Variants in TENM3 observed in about 807,000 individuals in gnomAD.
TENM3 encodes the protein teneurin-3.
TENM3 carries 63 observed loss-of-function variants against 255.1 expected under a neutral mutation model. The observed-to-expected ratio is 0.25, with a 90% CI of 0.20 to 0.30. The LOEUF is 0.30. Among genes scored for constraint, TENM3 ranks in the 10% least tolerant of loss-of-function variants. The probability of loss-of-function intolerance (pLI) is 1.00; values close to 1 mark genes in which losing one functional copy is unlikely to be tolerated. For synonymous variants in TENM3, 1,306 were observed against 1,322.3 expected (o/e 0.99, Z 0.27); for missense variants, 2,929 against 3,461.1 (o/e 0.85, Z 3.86).
At chr4:182,453,104 T>C (rs1182520117) in intron 3 of TENM3, among the ~76,000 whole-genome samples, 1 of 152,140 alleles carries the variant, frequency 6.6e-6, no homozygotes, top group Admixed American at 6.6e-5. Context: ...CCAGTTGTTT[T>C]AGGATTGTTG....
chr4:182,600,118 A>G (rs1747684168), intron 3 of TENM3, among the ~76,000 whole-genome samples: 1 of 152,352 alleles, frequency 6.6e-6, no homozygotes, highest in East Asian at 1.9e-4. Context: ...GGTTTAAAAC[A>G]AAAATATTTG....
At chr4:182,019,535 C>T in the TENM3 span, among the ~76,000 whole-genome samples, 19 of 152,172 alleles carry the variant, frequency 1.2e-4, no homozygotes, top group Admixed American at 9.8e-4. Context: ...TTTGCTTATA[C>T]ATATCAGTTC....
chr4:182,374,909 A>G (rs1356238329), intron 3 of TENM3, among the ~76,000 whole-genome samples: 1 of 152,126 alleles, frequency 6.6e-6, no homozygotes, highest in East Asian at 1.9e-4. Context: ...TTATTTTTCC[A>G]TTCTTTCCTT....
chr4:182,403,714 G>T (rs1187387760), intron 3 of TENM3, among the ~76,000 whole-genome samples: 1 of 152,086 alleles, frequency 6.6e-6, no homozygotes, highest in African/African-American at 2.4e-5. Context: ...GGTTCTTTTG[G>T]GTGAAAATTG....
the TENM3 span, among the ~76,000 whole-genome samples, chr4:182,010,661 A>C: frequency 6.6e-6 from 1 of 152,332 alleles, no homozygotes; most frequent in South Asian, 2.1e-4. Flanking sequence ...TGGAATAAAT[A>C]ATATTGTGTT....
chr4:181,874,932 T>G, the TENM3 span, among the ~76,000 whole-genome samples: 1 of 152,252 alleles, frequency 6.6e-6, no homozygotes, highest in African/African-American at 2.4e-5. Context: ...CGTCCTGCAC[T>G]GCCTGTTGTT....
chr4:182,572,058 C>T (rs1409218929), intron 3 of TENM3, among the ~76,000 whole-genome samples: 2 of 152,248 alleles, frequency 1.3e-5, no homozygotes, highest in Middle Eastern at 3.4e-3. Context: ...CCTGCCACCA[C>T]GCCCGGCTCA....
Position 182,153,529 on chromosome 4 carries a change from C to T in TENM3, c.-76+8775C>T, listed in dbSNP as rs572850098. ...GGTCAACCATCAGTATAGCCATGAC[C>T]GAAGTCCATTTTCTCATTCTGAAAG... On this transcript the variant is annotated intron_variant, in intron 1 of 2. Transcript: ENST00000512480. 1.5e-4 allele frequency among the ~76,000 whole-genome samples: 23 copies of T among 152,172 alleles called. No individual in the cohort carries two copies. In the South Asian group the frequency reaches 2.3e-3, roughly 15 times the overall value.
intron 1 of TENM3, among the ~76,000 whole-genome samples, chr4:182,213,097 T>G (rs1000968376): frequency 2.0e-5 from 3 of 152,234 alleles, no homozygotes; most frequent in African/African-American, 7.2e-5. Flanking sequence ...GTTGGATGAC[T>G]GTTTCTTACT....
chr4:181,511,927 G>A, the TENM3 span, among the ~76,000 whole-genome samples: 1 of 151,998 alleles, frequency 6.6e-6, no homozygotes, highest in Non-Finnish European at 1.5e-5. Flanking sequence ...ATATGGCACC[G>A]GGGGCCCCTA....
rs201676320 is a variant in TENM3 at position 182,793,265 on chromosome 4, G to A, written c.6593G>A (p.Arg2198His). 115 of 1,613,876 alleles carry A rather than the reference G, an allele frequency of 7.1e-5. No individual in the cohort carries two copies. The highest frequency in any genetic ancestry group is 8.6e-5 in the Non-Finnish European group (102 of 1,179,828). Residue 2198 changes from arginine (R) to histidine (H), a missense_variant, in exon 26 of 28, where the codon CGT (arginine) becomes CAT (histidine). Transcript: ENST00000511685. This position sits in a 1 kb window ranked among gnomAD's most constrained non-coding sequence, Gnocchi z 5.7. The stretch of plus-strand genomic sequence containing the variant: ...CGGTTGGATGAAGATGGTTTCCTAC[G>A]TCAAAGGGGCACGGAAATCTTTGAA... ...QYRLDEDGFL[R>H]QRGTEIFEYS... is the part of the protein sequence containing the mutation.
At chr4:182,532,163 T>G (rs1205399086) in intron 3 of TENM3, among the ~76,000 whole-genome samples, 3 of 152,222 alleles carry the variant, frequency 2.0e-5, no homozygotes, top group Admixed American at 2.0e-4. Context: ...TTTGTCTGTA[T>G]GTATTGGGAG....
At chr4:181,963,555 A>G in the TENM3 span, among the ~76,000 whole-genome samples, 1 of 152,156 alleles carries the variant, frequency 6.6e-6, no homozygotes, top group African/African-American at 2.4e-5. Context: ...CTAAGAAAAT[A>G]TAGTAATTTG....
the TENM3 span, among the ~76,000 whole-genome samples, chr4:181,702,072 C>T: frequency 6.6e-6 from 1 of 152,134 alleles, no homozygotes; most frequent in Non-Finnish European, 1.5e-5. Context: ...GCTAGGCACA[C>T]GACAAAGCCA....
At chr4:182,018,882 A>G in the TENM3 span, among the ~76,000 whole-genome samples, 3 of 152,210 alleles carry the variant, frequency 2.0e-5, no homozygotes, top group African/African-American at 7.2e-5. Flanking sequence ...TTTCATAGTA[A>G]AGAAAACAGT....
intron 5 of TENM3, among the ~76,000 whole-genome samples, chr4:182,653,218 C>T (rs1581221058): frequency 6.6e-6 from 1 of 152,090 alleles, no homozygotes; most frequent in East Asian, 1.9e-4. Flanking sequence ...AATTGTTTGT[C>T]GTCAATTCAA....
chr4:181,562,678 A>AGTTT, the TENM3 span, among the ~76,000 whole-genome samples: 1 of 143,224 alleles, frequency 7.0e-6, no homozygotes, highest in Non-Finnish European at 1.5e-5. Flanking sequence ...ATTCTTCTTA[A>AGTTT]TTTTTTTTTT....
chr4:181,871,332 T>C, the TENM3 span, among the ~76,000 whole-genome samples: 1 of 152,104 alleles, frequency 6.6e-6, no homozygotes, highest in Non-Finnish European at 1.5e-5. Context: ...TAGTTCAATT[T>C]GAAGAAAAAT....
chr4:181,766,482 C>T, the TENM3 span, among the ~76,000 whole-genome samples: 1 of 152,098 alleles, frequency 6.6e-6, no homozygotes, highest in Admixed American at 6.5e-5. Flanking sequence ...AAACACAGGT[C>T]TAAAACTTGG....
Sources: allele counts gnomAD v4.1 joint callset (sites outside exome capture counted in the v4.1 genomes callset), GRCh38; gene constraint gnomAD v4.1.1; non-coding constraint Gnocchi (gnomAD v3.1); transcripts MANE v1.5; gene names NCBI Gene and HGNC (gene_info 2026-07-23, HGNC 2026-07-21).